Variants in PCDHGB4 observed in about 807,000 individuals in gnomAD.
PCDHGB4 encodes protocadherin gamma-B4.
PCDHGB4 carries 38 observed loss-of-function variants against 60.5 expected under a neutral mutation model. The observed-to-expected ratio is 0.63, with a 90% CI of 0.48 to 0.82. The LOEUF (loss-of-function observed/expected upper bound fraction) is 0.82. Among genes scored for constraint, PCDHGB4 ranks in the 40% least tolerant of loss-of-function variants. PCDHGB4 has a pLI of 0.00. For missense variants in PCDHGB4, 1,109 were observed against 1,209.6 expected, an observed-to-expected ratio of 0.92 and a Z score of 1.23; for synonymous variants, 456 against 509.7, an observed-to-expected ratio of 0.89 and a Z score of 1.42.
At chr5:141,404,481 A>T in intron 1 of PCDHGB4, 1 of 1,613,836 alleles carries the variant, frequency 6.2e-7, no homozygotes, top group Non-Finnish European at 8.5e-7. Context: ...ATTAACTCAG[A>T]CACTGGTGTG....
intron 1 of PCDHGB4, chr5:141,419,411 C>A (rs757881409): frequency 1.9e-6 from 3 of 1,613,462 alleles, no homozygotes; most frequent in Non-Finnish European, 2.5e-6. Context: ...GTTCGCGCAG[C>A]GCGCCTTCGA....
At chr5:141,446,263 C>T (rs2098496356) in intron 1 of PCDHGB4, among the ~76,000 whole-genome samples, 1 of 152,010 alleles carries the variant, frequency 6.6e-6, no homozygotes, top group East Asian at 1.9e-4. Flanking sequence ...ATATTATTAA[C>T]TGAATAAATA....
intron 1 of PCDHGB4, chr5:141,399,104 A>G (rs561995889): frequency 6.2e-7 from 1 of 1,613,860 alleles, no homozygotes; most frequent in South Asian, 1.1e-5. Context: ...CTGGTTGCAC[A>G]ATGTACAGTT....
chr5:141,389,998 T>G lies in PCDHGB4; in HGVS notation c.2114T>G (p.Met705Arg). ...ATCTCAGTGCTCTTCCTCGTGGCCATGATTCTGGCCATTGCCTTGCGCCTG... is the reference window on the plus strand; with the variant it reads ...ATCTCAGTGCTCTTCCTCGTGGCCAGGATTCTGGCCATTGCCTTGCGCCTG... ...ALISVLFLVA[M>R]ILAIALRLRR... The change falls in exon 1 of 4, where the codon ATG (methionine) becomes AGG (arginine). Residue 705 changes from methionine to arginine, a missense_variant. This residue lies in a region of PCDHGB4 where 1,068 missense variants were observed against 1,089.9 expected (regional missense o/e 0.98). Coordinates refer to ENST00000519479, the MANE Select transcript of PCDHGB4 (RefSeq NM_003736.4). 1 of 1,614,046 alleles carries G rather than the reference T, an allele frequency of 6.2e-7. No homozygotes were observed. The highest frequency in any genetic ancestry group is 8.5e-7 in the Non-Finnish European group (1 of 1,179,890).
chr5:141,473,053 TACA>T (rs1452453123), intron 1 of PCDHGB4, among the ~76,000 whole-genome samples: 1 of 150,200 alleles, frequency 6.7e-6, no homozygotes, highest in Non-Finnish European at 1.5e-5. Flanking sequence ...AAAGAAGTGA[TACA>T]ACAAGTTACA....
At chr5:141,392,791 G>C in intron 1 of PCDHGB4, 6 of 1,557,838 alleles carry the variant, frequency 3.9e-6, no homozygotes, top group Admixed American at 2.0e-5. Context: ...AAGATTCTGA[G>C]AGGATTCTGC....
chr5:141,408,526 T>C, intron 1 of PCDHGB4: 3 of 1,614,028 alleles, frequency 1.9e-6, no homozygotes, highest in Non-Finnish European at 2.5e-6. Flanking sequence ...AATTGGAAGC[T>C]GTGGTGGAAA....
At chr5:141,435,214 A>C (rs1314928643) in intron 1 of PCDHGB4, among the ~76,000 whole-genome samples, 1 of 152,176 alleles carries the variant, frequency 6.6e-6, no homozygotes, top group Non-Finnish European at 1.5e-5. Flanking sequence ...AAGTGAATTT[A>C]CTTTCTTTCA....
At chr5:141,405,499 A>C in intron 1 of PCDHGB4, 9 of 782,122 alleles carry the variant, frequency 1.2e-5, no homozygotes, top group Non-Finnish European at 1.8e-5. Context: ...GGCTCATTGC[A>C]ACCTCCGCCT....
intron 1 of PCDHGB4, chr5:141,417,831 C>T: frequency 5.2e-6 from 8 of 1,526,966 alleles, no homozygotes; most frequent in Non-Finnish European, 7.1e-6. Flanking sequence ...ACTGGAAAAG[C>T]GGGGACCCAG....
chr5:141,394,397 G>A, intron 1 of PCDHGB4: 1 of 1,614,212 alleles, frequency 6.2e-7, no homozygotes, highest in Non-Finnish European at 8.5e-7. Flanking sequence ...TCCGAGACCT[G>A]CAGCTACTGG....
chr5:141,478,124 T>C (rs776469996), intron 1 of PCDHGB4: 1 of 1,613,978 alleles, frequency 6.2e-7, no homozygotes, highest in South Asian at 1.1e-5. Flanking sequence ...AACCGAGGAC[T>C]CTCCTGAAGC....
At chr5:141,465,466 C>T (rs1280373152) in intron 1 of PCDHGB4, among the ~76,000 whole-genome samples, 1 of 152,156 alleles carries the variant, frequency 6.6e-6, no homozygotes, top group African/African-American at 2.4e-5. Flanking sequence ...ACCAAATTGC[C>T]CTTGCTTCAT....
rs141295392 is a variant in PCDHGB4 at position 141,393,658 on chromosome 5, G to A, written c.2397+3377G>A. 3.0e-5 allele frequency: 49 copies of A among 1,613,798 alleles called. No homozygotes were observed. The Middle Eastern group carries it at 6.6e-4, about 22-fold the overall frequency. ...AACGGAAAAGTGGCATACAAATTCC[G>A]GAAAATTAATGAAAAACAAACTCCG... On this transcript the variant is annotated intron_variant, in intron 1 of 3. Transcript: ENST00000519479.
At chr5:141,400,079 C>A in intron 1 of PCDHGB4, 1 of 1,614,042 alleles carries the variant, frequency 6.2e-7, no homozygotes, top group East Asian at 2.2e-5. Flanking sequence ...CCGCCACTCT[C>A]CGCCACCGCC....
chr5:141,472,850 G>A (rs1230517294), intron 1 of PCDHGB4, among the ~76,000 whole-genome samples: 1 of 151,876 alleles, frequency 6.6e-6, no homozygotes, highest in Admixed American at 6.6e-5. Flanking sequence ...GCTGGGCATG[G>A]TGGCACATGC....
chr5:141,417,713 C>G, intron 1 of PCDHGB4: 1 of 1,271,750 alleles, frequency 7.9e-7, no homozygotes, highest in Non-Finnish European at 1.1e-6. Flanking sequence ...CAGAGGCTCC[C>G]GGCTGCGCAG....
chr5:141,450,085 C>T (rs997781052), intron 1 of PCDHGB4, among the ~76,000 whole-genome samples: 3 of 149,208 alleles, frequency 2.0e-5, no homozygotes, highest in Non-Finnish European at 4.4e-5. Context: ...TGGCTCACTG[C>T]AACCTCCGCC....
chr5:141,441,865 G>T, intron 1 of PCDHGB4: 1 of 345,726 alleles, frequency 2.9e-6, no homozygotes. Context: ...GCACGCCGCG[G>T]AGCCTGGCTA....
Sources: allele counts gnomAD v4.1 joint callset (sites outside exome capture counted in the v4.1 genomes callset), GRCh38; gene constraint gnomAD v4.1.1; regional missense constraint gnomAD v4.1.1; transcripts MANE v1.5; gene names NCBI Gene and HGNC (gene_info 2026-07-23, HGNC 2026-07-21).